Variants in SEPTIN9 observed in about 807,000 individuals in gnomAD.
SEPTIN9 encodes the protein septin-9.
Under a neutral mutation model 56.6 loss-of-function variants are expected in SEPTIN9, and 13 were observed. That is an observed-to-expected ratio of 0.23 (90% CI 0.15 to 0.37). SEPTIN9 has a LOEUF of 0.37. Among genes scored for constraint, SEPTIN9 ranks in the 10% least tolerant of loss-of-function variants. The pLI, the probability that SEPTIN9 is intolerant of heterozygous loss-of-function variation, is 1.00. For synonymous variants in SEPTIN9, 332 were observed against 334.1 expected, an observed-to-expected ratio of 0.99 and a Z score of 0.07; for missense variants, 650 against 823.1, an observed-to-expected ratio of 0.79 and a Z score of 2.57.
At position 77,326,004 on chromosome 17, in the gene SEPTIN9, C is replaced by T. The variant is rs2033124847; in HGVS notation, c.76+18807C>T. On this transcript the variant is annotated intron_variant, in intron 2 of 11. Coordinates refer to ENST00000427177, the MANE Select transcript of SEPTIN9 (RefSeq NM_001113491.2). This position sits in a 1 kb window ranked among gnomAD's most constrained non-coding sequence, Gnocchi z 5.1. ...TGGAAGTGGGGCGTGAGGGTGTCAG[C>T]CTTTTTCTGCTGCCTGGTGCTCTAG... Among the ~76,000 whole-genome samples, 1 of 152,128 alleles carries T rather than the reference C, an allele frequency of 6.6e-6. No individual in the cohort carries two copies. The highest frequency in any genetic ancestry group is 2.4e-5 in the African/African-American group (1 of 41,410).
At chr17:77,290,492 C>T (rs899784239) in intron 1 of SEPTIN9, among the ~76,000 whole-genome samples, 59 of 151,844 alleles carry the variant, frequency 3.9e-4, no homozygotes, top group African/African-American at 1.2e-3. Context: ...ATCTTCTGAC[C>T]TCGTGATCCA....
intron 2 of SEPTIN9, among the ~76,000 whole-genome samples, chr17:77,321,908 C>A (rs2032951520): frequency 6.6e-6 from 1 of 152,222 alleles, no homozygotes; most frequent in African/African-American, 2.4e-5. Flanking sequence ...GCTCTCCGCC[C>A]AGCAGGAGCC....
rs112667409 is a variant in SEPTIN9 at position 77,337,289 on chromosome 17, G to A, written c.76+30092G>A. Among the ~76,000 whole-genome samples the A allele has an allele frequency of 2.0e-3, 299 of 152,250 alleles. 1 individual carries two copies. The highest frequency in any genetic ancestry group is 6.9e-3 in the African/African-American group (285 of 41,546). On this transcript the variant is annotated intron_variant, in intron 2 of 11. Transcript: ENST00000427177. The stretch of plus-strand genomic sequence containing the variant: ...CTCCCAAAGTGCTGAGATTACAGGT[G>A]TGAGCCACTGTGCAGGCCTGATTTT...
rs1386195452 is a variant in SEPTIN9, at chr17:77,292,309, T to A, written c.19+10755T>A. On this transcript the variant is annotated intron_variant, in intron 1 of 11. Transcript: ENST00000427177. ...CCCTCTACCTGTTGGTCTCCATCTC[T>A]GTCTATGGCACATCCCTGTGTTATA... is the stretch of plus-strand genomic sequence containing the variant. 2.0e-5 allele frequency among the ~76,000 whole-genome samples: 3 copies of A among 152,206 alleles called. No individual in the cohort carries two copies. The East Asian group carries it at 5.8e-4, about 29-fold the overall frequency.
chr17:77,287,290 G>A (rs536139474), intron 1 of SEPTIN9, among the ~76,000 whole-genome samples: 6 of 152,212 alleles, frequency 3.9e-5, no homozygotes, highest in African/African-American at 1.2e-4. Flanking sequence ...AAGTGCCCCC[G>A]TGGCCGATGG....
At chr17:77,448,789 CTTTTT>C (rs906528979) in intron 3 of SEPTIN9, among the ~76,000 whole-genome samples, 2 of 145,074 alleles carry the variant, frequency 1.4e-5, no homozygotes, top group African/African-American at 5.1e-5. Flanking sequence ...CTTTTCTTTT[CTTTTT>C]TTTTTTAAAT....
chr17:77,382,663 C>G (rs988894043), intron 2 of SEPTIN9, among the ~76,000 whole-genome samples: 6 of 152,350 alleles, frequency 3.9e-5, no homozygotes, highest in Non-Finnish European at 7.4e-5. Flanking sequence ...GCTTTAAACC[C>G]TGGGCCTCCA....
intron 1 of SEPTIN9, among the ~76,000 whole-genome samples, chr17:77,293,506 T>C (rs1054819206): frequency 6.6e-6 from 1 of 152,104 alleles, no homozygotes; most frequent in Non-Finnish European, 1.5e-5. Context: ...GGGGAACTAG[T>C]TACACAGATG....
intron 2 of SEPTIN9, among the ~76,000 whole-genome samples, chr17:77,350,970 T>A (rs74000210): frequency 0.013 from 1,924 of 152,182 alleles, 43 homozygotes; most frequent in African/African-American, 0.044. Context: ...CTGTGTGCTG[T>A]GTGCCCCCAT....
intron 1 of SEPTIN9, among the ~76,000 whole-genome samples, chr17:77,306,866 C>T (rs1598495454): frequency 6.6e-6 from 1 of 152,210 alleles, no homozygotes; most frequent in South Asian, 2.1e-4. Context: ...GACTCAGATT[C>T]CTTATCTGCA....
chr17:77,474,036 C>T (rs1237461987), intron 3 of SEPTIN9, among the ~76,000 whole-genome samples: 1 of 152,208 alleles, frequency 6.6e-6, no homozygotes, highest in Non-Finnish European at 1.5e-5. Flanking sequence ...ATTTCCTGAA[C>T]TGTTAATAGT....
rs540655191 is a variant in SEPTIN9 at position 77,456,897 on chromosome 17, A to G, written c.722-25247A>G. On this transcript the variant is annotated intron_variant, in intron 3 of 11. Coordinates refer to ENST00000427177, the MANE Select transcript of SEPTIN9 (RefSeq NM_001113491.2). The surrounding 1 kb of genome is among the most constrained non-coding windows in gnomAD (Gnocchi z 6.0). ...TGTCCACAGCCAGAGATGGGCCCCT[A>G]TGGCCAGTACCAGGTCTCAGGGACC... Among the ~76,000 whole-genome samples the G allele has an allele frequency of 1.8e-4, 28 of 152,334 alleles. No homozygotes were observed. The South Asian group carries it at 5.6e-3, about 30-fold the overall frequency.
Position 77,310,526 on chromosome 17 carries a change from G to T in SEPTIN9, c.76+3329G>T, listed in dbSNP as rs528511085. Among the ~76,000 whole-genome samples the T allele has an allele frequency of 6.6e-6, 1 of 152,152 alleles. No homozygotes were observed. Among genetic ancestry groups the T allele is most frequent in the Admixed American group, 6.5e-5 (1 of 15,268 alleles). ...GGAGGCAGAGTTTGCCCGTCCCGTGGCCCACTGGTGACATCGCCGAAGGTC... is the reference window on the plus strand; with the variant it reads ...GGAGGCAGAGTTTGCCCGTCCCGTGTCCCACTGGTGACATCGCCGAAGGTC... On this transcript the variant is annotated intron_variant, in intron 2 of 11. Coordinates refer to ENST00000427177, the MANE Select transcript of SEPTIN9 (RefSeq NM_001113491.2). The surrounding 1 kb of genome is among the most constrained non-coding windows in gnomAD (Gnocchi z 4.7).
intron 3 of SEPTIN9, among the ~76,000 whole-genome samples, chr17:77,468,847 A>C (rs1384431966): frequency 6.6e-6 from 1 of 150,780 alleles, no homozygotes; most frequent in East Asian, 1.9e-4. Flanking sequence ...GTTAACATTG[A>C]TGAGAGTTTG....
intron 4 of SEPTIN9, chr17:77,482,652 G>C (rs2039506151): frequency 1.6e-6 from 1 of 612,252 alleles, no homozygotes; most frequent in African/African-American, 1.8e-5. Flanking sequence ...TTGTGCAGAG[G>C]GTTCTGTGGC....
rs972720634 is a variant in SEPTIN9, at chr17:77,321,668, G to A, written c.76+14471G>A. ...CTCCCAAAGTGCTGGGATTACAGGCGTGAGCCACGGCGCCCGGCCTCAGGG... is the reference window on the plus strand; with the variant it reads ...CTCCCAAAGTGCTGGGATTACAGGCATGAGCCACGGCGCCCGGCCTCAGGG... On this transcript the variant is annotated intron_variant, in intron 2 of 11. Coordinates refer to ENST00000427177, the MANE Select transcript of SEPTIN9 (RefSeq NM_001113491.2). Among the ~76,000 whole-genome samples, 9 of 152,300 alleles carry A rather than the reference G, an allele frequency of 5.9e-5. No individual in the cohort carries two copies. The East Asian group carries it at 1.4e-3, about 23-fold the overall frequency.
In SEPTIN9 at chr17:77,428,782, C is replaced by T. The variant is rs989670128; in HGVS notation, c.721+26079C>T. ...GCACACTTCCCAGCTGGTGGGGTTC[C>T]CTTGTGCCTCAGTACTCATGTGGGC... On this transcript the variant is annotated intron_variant, in intron 3 of 11. Coordinates refer to ENST00000427177, the MANE Select transcript of SEPTIN9 (RefSeq NM_001113491.2). Among the ~76,000 whole-genome samples, 5 of 152,118 alleles carry T rather than the reference C, an allele frequency of 3.3e-5. No homozygotes were observed. In the South Asian group the frequency reaches 1.0e-3, roughly 32 times the overall value.
At chr17:77,361,911 C>T (rs375482423) in intron 2 of SEPTIN9, among the ~76,000 whole-genome samples, 2 of 152,224 alleles carry the variant, frequency 1.3e-5, no homozygotes, top group Admixed American at 6.5e-5. Context: ...GGATTACAGG[C>T]GTGAGCCACC....
chr17:77,386,245 C>T (rs1195783831), intron 2 of SEPTIN9, among the ~76,000 whole-genome samples: 2 of 152,200 alleles, frequency 1.3e-5, no homozygotes, highest in African/African-American at 4.8e-5. Flanking sequence ...ACCCCTCCTG[C>T]AGAGGGGCCT....
Sources: gnomAD v4.1 joint callset for allele counts (sites outside exome capture counted in the v4.1 genomes callset) on GRCh38, gnomAD v4.1.1 for gene constraint, Gnocchi (gnomAD v3.1) non-coding constraint, MANE v1.5 for transcripts, NCBI Gene and HGNC (gene_info 2026-07-23, HGNC 2026-07-21) for gene names.